Variants in BTN2A1 observed in about 807,000 individuals in gnomAD.
The protein encoded by BTN2A1 is butyrophilin, subfamily 2, member A1.
Under a neutral mutation model 34.5 loss-of-function variants are expected in BTN2A1, and 41 were observed. That is an observed-to-expected ratio of 1.19 (90% CI 0.93 to 1.54). BTN2A1 has a LOEUF of 1.54. Ranked by LOEUF, BTN2A1 falls within the 40% of genes most tolerant of loss-of-function variation. The probability of loss-of-function intolerance (pLI) is 0.00; values close to 1 mark genes in which losing one functional copy is unlikely to be tolerated. For synonymous variants in BTN2A1, 267 were observed against 258.6 expected (o/e 1.03, Z -0.31); for missense variants, 642 against 662.0 (o/e 0.97, Z 0.33).
chr6:26,475,751 A>G (rs1763527049), intron 7 of BTN2A1, among the ~76,000 whole-genome samples: 1 of 152,120 alleles, frequency 6.6e-6, no homozygotes, highest in African/African-American at 2.4e-5. Context: ...CTAAAAAATT[A>G]AAATAAAATA....
downstream of BTN2A1, among the ~76,000 whole-genome samples, chr6:26,474,144 A>G (rs1291269610): frequency 2.0e-5 from 3 of 152,240 alleles, no homozygotes; most frequent in Non-Finnish European, 2.9e-5. Flanking sequence ...AATGAACTGC[A>G]ACCTAACTTA....
chr6:26,467,383 C>T (rs1257108531), intron 7 of BTN2A1, among the ~76,000 whole-genome samples: 1 of 152,222 alleles, frequency 6.6e-6, no homozygotes, highest in African/African-American at 2.4e-5. Flanking sequence ...ACAATCTGGG[C>T]TCACTGCAAC....
chr6:26,462,860 T>C lies in BTN2A1; in HGVS notation c.431-384T>C, dbSNP rs547091246. 1.7e-5 allele frequency: 22 copies of C among 1,280,352 alleles called. No individual in the cohort carries two copies. The South Asian group carries it at 2.4e-4, about 14-fold the overall frequency. 79.3% of individuals were successfully genotyped at this position (1,280,352 alleles called of 1,614,324 possible). A position where few individuals can be genotyped will look rare whatever the true frequency, so the allele number is the denominator to read the frequency against. Reference sequence around the variant, plus strand: ...GAAGCAGAAAGTGAAATCCAAAACCTGCCTGTTTGAAGTTGGAGTCGACAC... The same window carrying C: ...GAAGCAGAAAGTGAAATCCAAAACCCGCCTGTTTGAAGTTGGAGTCGACAC... On this transcript the variant is annotated intron_variant, in intron 3 of 7. Transcript: ENST00000312541.
chr6:26,466,047 G>T lies in BTN2A1; in HGVS notation c.956-15G>T. 6.2e-7 allele frequency: 1 copy of T among 1,614,020 alleles called. No individual in the cohort carries two copies. On this transcript the variant is annotated splice_polypyrimidine_tract_variant and intron_variant, in intron 6 of 7. Coordinates refer to ENST00000312541, the MANE Select transcript of BTN2A1 (RefSeq NM_007049.5). ...GCAACATCTCATGACATTCGTCTCT[G>T]TCTGTCCCTTGCAGGATGGAGAAGA...
intron 2 of BTN2A1, 104 bp downstream of exon 2, chr6:26,458,822 C>G (rs1157441330): frequency 1.4e-6 from 2 of 1,410,462 alleles, no homozygotes; most frequent in African/African-American, 1.4e-5. Context: ...TTGACTTACC[C>G]TTTCATTCTG....
intron 4 of BTN2A1, among the ~76,000 whole-genome samples, chr6:26,464,972 A>G (rs1344873034): frequency 1.3e-5 from 2 of 152,170 alleles, no homozygotes; most frequent in South Asian, 2.1e-4. Flanking sequence ...GGTCCTTCCC[A>G]TGGTGACTGG....
rs1455213989 is a variant in BTN2A1, at chr6:26,468,479, G to A, written c.1514G>A (p.Gly505Glu). ...ATCTTCATCTGCCCTGCACTCACAG[G>A]AGCCAATGGGGTCACGGTGCCTGAA... ...SPIFICPALT[G>E]ANGVTVPEEG... Residue 505 changes from glycine (G) to glutamate (E), a missense_variant, in exon 8 of 8, where the codon GGA becomes GAA. Coordinates refer to ENST00000312541, the MANE Select transcript of BTN2A1 (RefSeq NM_007049.5). 1 of 1,614,154 alleles carries A rather than the reference G, an allele frequency of 6.2e-7. No homozygotes were observed. Among genetic ancestry groups the A allele is most frequent in the South Asian group, 1.1e-5 (1 of 91,080 alleles).
chr6:26,467,770 G>A (rs754991278), intron 7 of BTN2A1, 178 bp from the exon 8 acceptor site: 16 of 1,574,916 alleles, frequency 1.0e-5, no homozygotes, highest in Non-Finnish European at 1.4e-5. Context: ...TGGAGAGACA[G>A]AAGTGCAGCT....
At position 26,468,608 on chromosome 6, in the gene BTN2A1, G is replaced by A. The variant is rs1424145253; in HGVS notation, c.*59G>A. The A allele has an allele frequency of 9.3e-6, 15 of 1,613,974 alleles. No homozygotes were observed. Among genetic ancestry groups the A allele is most frequent in the South Asian group, 4.4e-5 (4 of 91,064 alleles). On this transcript the variant is annotated 3_prime_UTR_variant, in exon 8 of 8. Coordinates refer to ENST00000312541, the MANE Select transcript of BTN2A1 (RefSeq NM_007049.5). ...AGCCCTGGTCATCTCAGCAGCCACC[G>A]CACAACACCCCTGGTGGAAGACACG...
Position 26,468,946 on chromosome 6 carries a change from A to G in BTN2A1, c.*397A>G. The G allele has an allele frequency of 8.2e-7, 1 of 1,220,550 alleles. No homozygotes were observed. Among genetic ancestry groups the G allele is most frequent in the Non-Finnish European group, 1.0e-6 (1 of 962,066 alleles). The allele number at this position is 1,220,550 out of a possible 1,614,324, so 75.6% of individuals were successfully genotyped here. Reference sequence around the variant, plus strand: ...GGCCTACAGGGTTCACCAGGATGTAAGAGGAGAGAGGAATCCACAGGACCA... The same window carrying G: ...GGCCTACAGGGTTCACCAGGATGTAGGAGGAGAGAGGAATCCACAGGACCA... On this transcript the variant is annotated 3_prime_UTR_variant, in exon 8 of 8. Coordinates refer to ENST00000312541, the MANE Select transcript of BTN2A1 (RefSeq NM_007049.5).
chr6:26,463,875 C>T (rs1386561283), intron 4 of BTN2A1, among the ~76,000 whole-genome samples: 7 of 151,990 alleles, frequency 4.6e-5, no homozygotes, highest in African/African-American at 1.7e-4. Context: ...AATCTTGGCT[C>T]ACTGCAACCT....
rs530097754 is a variant in BTN2A1, at chr6:26,463,280, A to G, written c.467A>G (p.His156Arg). 1.2e-6 allele frequency: 2 copies of G among 1,612,500 alleles called. No individual in the cohort carries two copies. The highest frequency in any genetic ancestry group is 1.3e-5 in the African/African-American group (1 of 74,940). The change falls in exon 4 of 8, where the codon CAT becomes CGT. Residue 156 changes from histidine (H) to arginine (R), a missense_variant. Physicochemically the swap from His to Arg is conservative, Grantham distance 29. Transcript: ENST00000312541. ...AAGCCCCTCATTTCAATGAGGGGCC[A>G]TGAAGACGGGGGCATCCGGCTGGAG... ...GSKPLISMRG[H>R]EDGGIRLECI...
downstream of BTN2A1, among the ~76,000 whole-genome samples, chr6:26,471,281 T>A (rs1232561832): frequency 2.0e-5 from 3 of 151,994 alleles, no homozygotes; most frequent in Non-Finnish European, 4.4e-5. Flanking sequence ...ACAACCAAAA[T>A]TTTTTTTCTT....
At chr6:26,462,391 C>A (rs1299262115) in intron 3 of BTN2A1, among the ~76,000 whole-genome samples, 2 of 152,120 alleles carry the variant, frequency 1.3e-5, no homozygotes, top group East Asian at 3.8e-4. Context: ...CCAGCCTGGG[C>A]AACATGTTAG....
In BTN2A1 at chr6:26,459,486, T is replaced by G; in HGVS notation, c.88T>G (p.Phe30Val). Residue 30 changes from phenylalanine (F) to valine (V), a missense_variant, in exon 3 of 8, where the codon TTT (phenylalanine) becomes GTT (valine). Physicochemically the swap from Phe to Val is conservative, Grantham distance 50 (BLOSUM62 -1). Coordinates refer to ENST00000312541, the MANE Select transcript of BTN2A1 (RefSeq NM_007049.5). ...TCTACCCCTTTGTTGAACAGCCCAG[T>G]TTATTGTCGTGGGGCCCACTGATCC... ...LSLCALVSAQ[F>V]IVVGPTDPIL... 6.2e-7 allele frequency: 1 copy of G among 1,613,674 alleles called. No homozygotes were observed. Among genetic ancestry groups the G allele is most frequent in the Non-Finnish European group, 8.5e-7 (1 of 1,179,688 alleles).
Position 26,461,566 on chromosome 6 carries a change from C to T in BTN2A1, c.431-1678C>T, listed in dbSNP as rs1235592373. 5.3e-5 allele frequency among the ~76,000 whole-genome samples: 8 copies of T among 152,092 alleles called. 1 individual carries two copies. Among genetic ancestry groups the T allele is most frequent in the South Asian group, 2.1e-4 (1 of 4,830 alleles). On this transcript the variant is annotated intron_variant, in intron 3 of 7. Transcript: ENST00000312541. ...GGGAGGCCAAGGCGGGTGGGTCATC[C>T]GAGGTCAGGCGCTGGAGACCAGCCT...
Position 26,469,463 on chromosome 6 carries a change from A to G in BTN2A1, c.*914A>G. On this transcript the variant is annotated 3_prime_UTR_variant, in exon 8 of 8. Coordinates refer to ENST00000312541, the MANE Select transcript of BTN2A1 (RefSeq NM_007049.5). The stretch of plus-strand genomic sequence containing the variant: ...TGGCATTTGAGATTGAAACTAAGAA[A>G]TGTTTTAATTTATTACCTTTACAAC... 9 of 409,286 alleles carry G rather than the reference A, an allele frequency of 2.2e-5. No homozygotes were observed. Among genetic ancestry groups the G allele is most frequent in the Non-Finnish European group, 3.0e-5 (9 of 303,292 alleles). 25.4% of individuals were successfully genotyped at this position (409,286 alleles called of 1,614,324 possible).
intron 3 of BTN2A1, 37 bp downstream of exon 3, chr6:26,459,865 G>A (rs374082407): frequency 7.6e-6 from 12 of 1,569,980 alleles, no homozygotes; most frequent in East Asian, 6.8e-5. Context: ...CTTTGGCACA[G>A]TGTGACTTTG....
chr6:26,471,919 T>A (rs1192139449), downstream of BTN2A1, among the ~76,000 whole-genome samples: 8 of 152,196 alleles, frequency 5.3e-5, no homozygotes, highest in Non-Finnish European at 1.2e-4. Context: ...CCTATATGTT[T>A]GAAGAGTTTC....
Sources: allele counts gnomAD v4.1 joint callset (sites outside exome capture counted in the v4.1 genomes callset), GRCh38; gene constraint gnomAD v4.1.1; transcripts MANE v1.5; gene names NCBI Gene and HGNC (gene_info 2026-07-23, HGNC 2026-07-21).